Variants in ATF7IP2 observed in about 807,000 individuals in gnomAD.
ATF7IP2 encodes activating transcription factor 7-interacting protein 2.
In ATF7IP2, 42 loss-of-function variants were observed where a neutral mutation model predicts 64.2. The observed-to-expected ratio is 0.65, with a 90% CI of 0.51 to 0.85. The LOEUF (loss-of-function observed/expected upper bound fraction) is 0.85, where lower values mean the gene tolerates loss of function less well. Among genes scored for constraint, ATF7IP2 ranks in the 40% least tolerant of loss-of-function variants. The pLI, the probability that ATF7IP2 is intolerant of heterozygous loss-of-function variation, is 0.00. For missense variants in ATF7IP2, 933 were observed against 784.2 expected (o/e 1.19, Z -2.27); for synonymous variants, 308 against 272.8 (o/e 1.13, Z -1.27).
At chr16:10,425,366 C>T (rs1389042017) in intron 3 of ATF7IP2, among the ~76,000 whole-genome samples, 1 of 151,632 alleles carries the variant, frequency 6.6e-6, no homozygotes, top group East Asian at 1.9e-4. Context: ...GCCACTGTGC[C>T]CAGCTGGAAA....
Position 10,473,394 on chromosome 16 carries a change from C to G in ATF7IP2, c.1427-85C>G, listed in dbSNP as rs185580731. 31 of 805,236 alleles carry G rather than the reference C, an allele frequency of 3.8e-5. No homozygotes were observed. In the African/African-American group the frequency reaches 5.5e-4, roughly 14 times the overall value. 49.9% of individuals were successfully genotyped at this position (805,236 alleles called of 1,614,324 possible). On this transcript the variant is annotated intron_variant, in intron 10 of 13. Transcript: ENST00000562102. ...TGTATAATTAACAGCTAATTAGCAT[C>G]CCTATTATTTTGTTTTAGCATTCAT...
chr16:10,423,448 T>C (rs1487425569), intron 3 of ATF7IP2, among the ~76,000 whole-genome samples: 2 of 152,174 alleles, frequency 1.3e-5, no homozygotes, highest in African/African-American at 4.8e-5. Flanking sequence ...CCTGTTGATA[T>C]GGGTGGTGTA....
intron 7 of ATF7IP2, among the ~76,000 whole-genome samples, chr16:10,439,451 G>A (rs1367163772): frequency 2.0e-5 from 3 of 151,096 alleles, no homozygotes; most frequent in African/African-American, 7.3e-5. Flanking sequence ...AGCGTTGATG[G>A]TCTCAATCTC....
At chr16:10,412,161 T>G (rs758478006) in intron 1 of ATF7IP2, among the ~76,000 whole-genome samples, 1 of 151,642 alleles carries the variant, frequency 6.6e-6, no homozygotes, top group Admixed American at 6.6e-5. Context: ...TTTTTTTTTT[T>G]GTTTCAATTT....
chr16:10,460,523 G>A (rs146639189), intron 9 of ATF7IP2, among the ~76,000 whole-genome samples: 49 of 152,292 alleles, frequency 3.2e-4, no homozygotes, highest in African/African-American at 1.1e-3. Context: ...AAATAGACCA[G>A]TGTAACAGTA....
At chr16:10,391,062 A>G (rs1441096525) in intron 1 of ATF7IP2, among the ~76,000 whole-genome samples, 1 of 151,728 alleles carries the variant, frequency 6.6e-6, no homozygotes, top group African/African-American at 2.4e-5. Context: ...GGAGAATGAG[A>G]TGGGAGAATT....
At chr16:10,437,344 C>G (rs1219238399) in intron 6 of ATF7IP2, among the ~76,000 whole-genome samples, 1 of 152,146 alleles carries the variant, frequency 6.6e-6, no homozygotes, top group Non-Finnish European at 1.5e-5. Context: ...TAGCACCGTG[C>G]TCTAACTAGC....
chr16:10,416,562 G>T (rs2047883265), intron 2 of ATF7IP2, among the ~76,000 whole-genome samples: 1 of 152,166 alleles, frequency 6.6e-6, no homozygotes, highest in Non-Finnish European at 1.5e-5. Flanking sequence ...GGAGGCCGAG[G>T]CAGGTGGATC....
At chr16:10,393,460 G>C (rs568883599) in intron 1 of ATF7IP2, among the ~76,000 whole-genome samples, 23 of 152,064 alleles carry the variant, frequency 1.5e-4, no homozygotes, top group African/African-American at 5.3e-4. Context: ...ATTGTGATTT[G>C]ACATGATTTT....
intron 12 of ATF7IP2, among the ~76,000 whole-genome samples, chr16:10,477,183 A>T (rs2142094950): frequency 6.6e-6 from 1 of 152,356 alleles, no homozygotes; most frequent in South Asian, 2.1e-4. Flanking sequence ...AAATTTTTGC[A>T]ATCTGTCTAA....
intron 1 of ATF7IP2, among the ~76,000 whole-genome samples, chr16:10,393,131 G>A (rs1378803721): frequency 2.0e-5 from 3 of 151,958 alleles, no homozygotes; most frequent in Non-Finnish European, 4.4e-5. Flanking sequence ...CCAACATGGT[G>A]AAACCCCCTC....
intron 8 of ATF7IP2, chr16:10,447,760 C>G (rs2048857738): frequency 1.3e-5 from 2 of 152,210 alleles, no homozygotes; most frequent in Non-Finnish European, 2.9e-5. Context: ...CAGTGTGGGT[C>G]AGCTACAAGC....
chr16:10,442,347 G>C (rs149545962), intron 8 of ATF7IP2, among the ~76,000 whole-genome samples: 2 of 152,318 alleles, frequency 1.3e-5, no homozygotes, highest in East Asian at 3.9e-4. Context: ...TGACTTTGCT[G>C]TTCTTCTTGA....
intron 9 of ATF7IP2, among the ~76,000 whole-genome samples, chr16:10,468,854 G>C (rs2049681609): frequency 6.6e-6 from 1 of 152,144 alleles, no homozygotes; most frequent in South Asian, 2.1e-4. Flanking sequence ...CTTTCCCCTT[G>C]GCTAAAATGA....
rs571782229 is a variant in ATF7IP2 at position 10,469,645 on chromosome 16, C to T, written c.1353-2465C>T. On this transcript the variant is annotated intron_variant, in intron 9 of 13. Coordinates refer to ENST00000562102, the MANE Select transcript of ATF7IP2 (RefSeq NM_001393719.1). ...ATAAAATTAGCCCAGCATTGTGGCG[C>T]ATGCCTGTAATCCCAGCTACTCGGG... 1.4e-4 allele frequency among the ~76,000 whole-genome samples: 21 copies of T among 152,170 alleles called. No homozygotes were observed. The East Asian group carries it at 4.1e-3, about 29-fold the overall frequency.
chr16:10,435,028 A>G (rs1394361446), intron 6 of ATF7IP2, among the ~76,000 whole-genome samples: 2 of 152,186 alleles, frequency 1.3e-5, no homozygotes, highest in East Asian at 3.9e-4. Flanking sequence ...TCGGCCTCCC[A>G]AAGTGCTGGG....
chr16:10,439,001 A>G (rs2048516735), intron 7 of ATF7IP2, among the ~76,000 whole-genome samples: 1 of 147,648 alleles, frequency 6.8e-6, no homozygotes, highest in Admixed American at 6.9e-5. Flanking sequence ...TGCAGTGAGC[A>G]GAGATTGCAC....
chr16:10,416,468 A>G lies in ATF7IP2; in HGVS notation c.-203+1856A>G, dbSNP rs1191497293. ...TGGGAAAGGTATTTTGTGTTGGGGA[A>G]GAAGGTGGGGGTGGTTAATGGGTAT... On this transcript the variant is annotated intron_variant, in intron 2 of 13. Transcript: ENST00000562102. Among the ~76,000 whole-genome samples, 4 of 152,152 alleles carry G rather than the reference A, an allele frequency of 2.6e-5. No homozygotes were observed. In the East Asian group the frequency reaches 5.8e-4, roughly 22 times the overall value.
intron 2 of ATF7IP2, among the ~76,000 whole-genome samples, chr16:10,417,898 A>G (rs1026907790): frequency 2.0e-5 from 3 of 152,196 alleles, no homozygotes; most frequent in Non-Finnish European, 4.4e-5. Context: ...GGGTGTCATA[A>G]AAAAGGTAAG....
Sources: allele counts gnomAD v4.1 joint callset (sites outside exome capture counted in the v4.1 genomes callset), GRCh38; gene constraint gnomAD v4.1.1; transcripts MANE v1.5; gene names NCBI Gene and HGNC (gene_info 2026-07-23, HGNC 2026-07-21).